Variants in NOL10 observed in about 807,000 individuals in gnomAD.
NOL10 encodes the protein H_NH0074G24.1.
NOL10 carries 58 observed loss-of-function variants against 103.5 expected under a neutral mutation model. The observed-to-expected ratio is 0.56, with a 90% CI of 0.45 to 0.70. The LOEUF (loss-of-function observed/expected upper bound fraction) is 0.70, where lower values mean the gene tolerates loss of function less well. Among genes scored for constraint, NOL10 ranks in the 30% least tolerant of loss-of-function variants. NOL10 has a pLI of 0.00. For synonymous variants in NOL10, 287 were observed against 282.5 expected, an observed-to-expected ratio of 1.02 and a Z score of -0.16; for missense variants, 763 against 807.3, an observed-to-expected ratio of 0.95 and a Z score of 0.67.
chr2:10,631,717 G>GTTT (rs35958352), intron 13 of NOL10, among the ~76,000 whole-genome samples: 2 of 141,784 alleles, frequency 1.4e-5, no homozygotes, highest in Admixed American at 7.0e-5. Context: ...TGTTCTCCCT[G>GTTT]TTTTTTTTTT....
rs772157994 is a variant in NOL10 at position 10,673,533 on chromosome 2, T to A, written c.314A>T (p.Asp105Val). 7 of 1,598,064 alleles carry A rather than the reference T, an allele frequency of 4.4e-6. No individual in the cohort carries two copies. Among genetic ancestry groups the A allele is most frequent in the Non-Finnish European group, 6.0e-6 (7 of 1,171,286 alleles). Residue 105 changes from aspartate (D) to valine (V), a missense_variant, in exon 5 of 21, where the codon GAT becomes GTT. Coordinates refer to ENST00000381685, the MANE Select transcript of NOL10 (RefSeq NM_024894.4). ...SEVVTFEILS[D>V]DYSKIVFLHN... ...TATAAAACATACCTTTGAGTAGTCA[T>A]CAGACAAAATTTCAAAGGTGACAAC...
At chr2:10,665,294 AAAT>A (rs1680500540) in intron 8 of NOL10, among the ~76,000 whole-genome samples, 1 of 152,244 alleles carries the variant, frequency 6.6e-6, no homozygotes, top group Admixed American at 6.5e-5. Flanking sequence ...CTTCCAGTGT[AAAT>A]ACAAAATGTA....
intron 14 of NOL10, among the ~76,000 whole-genome samples, chr2:10,605,414 A>T (rs918498930): frequency 6.6e-6 from 1 of 152,246 alleles, no homozygotes; most frequent in African/African-American, 2.4e-5. Context: ...TATTCTATTT[A>T]GAAGGTTTTA....
chr2:10,614,008 G>A (rs1011421617), intron 13 of NOL10, among the ~76,000 whole-genome samples: 2 of 150,688 alleles, frequency 1.3e-5, no homozygotes, highest in Admixed American at 6.6e-5. Context: ...CACCCAGGCT[G>A]AAGTGCAGTG....
At chr2:10,581,202 G>T (rs1295767887) in intron 19 of NOL10, among the ~76,000 whole-genome samples, 2 of 152,224 alleles carry the variant, frequency 1.3e-5, no homozygotes, top group African/African-American at 4.8e-5. Flanking sequence ...CGTTGCTGGA[G>T]TGTGGGGAAA....
chr2:10,685,499 C>A lies in NOL10; in HGVS notation c.67-887G>T, dbSNP rs1442026400. On this transcript the variant is annotated intron_variant, in intron 1 of 20. Transcript: ENST00000381685. Reference sequence around the variant, plus strand: ...TGAGAGAGACTCCGTCCCCCCCCCCCCCCCCCCCGCCAAAAAAAAAGAAAA... The same window carrying A: ...TGAGAGAGACTCCGTCCCCCCCCCCACCCCCCCCGCCAAAAAAAAAGAAAA... 3.8e-4 allele frequency among the ~76,000 whole-genome samples: 18 copies of A among 47,916 alleles called. 2 individuals are homozygous for A. The highest frequency in any genetic ancestry group is 1.8e-3 in the South Asian group (1 of 570). 31.4% of individuals were successfully genotyped at this position (47,916 alleles called of 152,430 possible).
rs1675141795 is a variant in NOL10, at chr2:10,587,230, T to TATACATATAC, written c.1844+1812_1844+1813insGTATATGTAT. ...ACATATATATATACATATATATACA[T>TATACATATAC]ATATATATACATACATATATATATA... On this transcript the variant is annotated intron_variant, in intron 19 of 20. Coordinates refer to ENST00000381685, the MANE Select transcript of NOL10 (RefSeq NM_024894.4). Among the ~76,000 whole-genome samples, 2 of 37,456 alleles carry TATACATATAC rather than the reference T, an allele frequency of 5.3e-5. 1 individual carries two copies. The highest frequency in any genetic ancestry group is 3.3e-4 in the African/African-American group (2 of 6,098). The allele number at this position is 37,456 out of a possible 152,430, so 24.6% of individuals were successfully genotyped here.
chr2:10,663,590 C>T (rs1680358943), intron 8 of NOL10, among the ~76,000 whole-genome samples: 1 of 151,900 alleles, frequency 6.6e-6, no homozygotes. Context: ...ATATATATAT[C>T]ACTAAACTTT....
intron 19 of NOL10, 34 bp downstream of exon 19, chr2:10,589,009 C>T: frequency 6.2e-7 from 1 of 1,608,826 alleles, no homozygotes; most frequent in South Asian, 1.1e-5. Flanking sequence ...GGCTTGGTTA[C>T]ATGTCAACTG....
At chr2:10,641,505 T>C (rs1156483910) in intron 13 of NOL10, among the ~76,000 whole-genome samples, 2 of 152,196 alleles carry the variant, frequency 1.3e-5, no homozygotes, top group South Asian at 2.1e-4. Flanking sequence ...TTAGAATAAA[T>C]AGGAATACGC....
At chr2:10,584,168 C>T (rs994923569) in intron 19 of NOL10, among the ~76,000 whole-genome samples, 2 of 152,184 alleles carry the variant, frequency 1.3e-5, no homozygotes, top group African/African-American at 4.8e-5. Context: ...AACCAGTTTC[C>T]ATATGATTTC....
chr2:10,644,220 CATCGGTGATCGCCAG>C, intron 13 of NOL10, 85 bp downstream of exon 13: 1 of 839,242 alleles, frequency 1.2e-6, no homozygotes, highest in Middle Eastern at 3.6e-4. Context: ...TGCACCCCAG[CATCGGTGATCGCCAG>C]ACTCCGTCTC....
intron 11 of NOL10, among the ~76,000 whole-genome samples, chr2:10,655,122 G>A (rs1679749836): frequency 6.6e-6 from 1 of 151,570 alleles, no homozygotes. Context: ...AGGCAAAACT[G>A]CTTGAACCCA....
intron 13 of NOL10, among the ~76,000 whole-genome samples, chr2:10,636,420 C>CAAAAAAAA (rs70953327): frequency 2.4e-4 from 13 of 54,698 alleles, no homozygotes; most frequent in Admixed American, 3.0e-4. Context: ...TACAAAAAAC[C>CAAAAAAAA]AAAAAAAAAA....
At chr2:10,606,238 T>C (rs1442025300) in intron 14 of NOL10, among the ~76,000 whole-genome samples, 14 of 137,536 alleles carry the variant, frequency 1.0e-4, no homozygotes, top group Admixed American at 4.4e-4. Flanking sequence ...TTTTTTTTTT[T>C]TTGCCTCAGT....
At chr2:10,610,481 T>C (rs1676509474) in intron 13 of NOL10, among the ~76,000 whole-genome samples, 1 of 152,326 alleles carries the variant, frequency 6.6e-6, no homozygotes, top group Non-Finnish European at 1.5e-5. Context: ...AAAAACAAAA[T>C]TAAATCTAGC....
chr2:10,621,209 C>T (rs1226286364), intron 13 of NOL10, among the ~76,000 whole-genome samples: 2 of 152,118 alleles, frequency 1.3e-5, no homozygotes, highest in East Asian at 1.9e-4. Context: ...ATACACATAA[C>T]GAAATCTTTA....
At chr2:10,653,885 G>A (rs1033008419) in intron 12 of NOL10, among the ~76,000 whole-genome samples, 2 of 152,084 alleles carry the variant, frequency 1.3e-5, no homozygotes, top group African/African-American at 2.4e-5. Flanking sequence ...GAGTTCTCAC[G>A]CTCTGCCTTA....
In NOL10 at chr2:10,571,078, G is replaced by A. The variant is rs1674153301; in HGVS notation, c.*993C>T. The A allele has an allele frequency of 6.6e-6, 1 of 152,202 alleles. No individual in the cohort carries two copies. Among genetic ancestry groups the A allele is most frequent in the Non-Finnish European group, 1.5e-5 (1 of 68,044 alleles). The allele number at this position is 152,202 out of a possible 1,614,324, so 9.4% of individuals were successfully genotyped here. A position where few individuals can be genotyped will look rare whatever the true frequency, so the allele number is the denominator to read the frequency against. ...AATGAGCATTTTCCTCCAATGTCAT[G>A]TCAGTGCTTGATATGGTTTTGCTCT... On this transcript the variant is annotated 3_prime_UTR_variant, in exon 21 of 21. Coordinates refer to ENST00000381685, the MANE Select transcript of NOL10 (RefSeq NM_024894.4).
Sources: allele counts gnomAD v4.1 joint callset (sites outside exome capture counted in the v4.1 genomes callset), GRCh38; gene constraint gnomAD v4.1.1; transcripts MANE v1.5; gene names NCBI Gene and HGNC (gene_info 2026-07-23, HGNC 2026-07-21).